The following INPP4B variants were observed in gnomAD, a reference collection of about 807,000 sequenced individuals.
The protein encoded by INPP4B is inositol polyphosphate 4-phosphatase type II.
A neutral mutation model predicts 122.5 loss-of-function variants in INPP4B; 55 were observed. That is an observed-to-expected ratio of 0.45 (90% CI 0.36 to 0.56). INPP4B has a LOEUF of 0.56. Ranked by LOEUF, INPP4B falls within the 20% of genes least tolerant of loss-of-function variation. INPP4B has a pLI of 0.00. For synonymous variants in INPP4B, 403 were observed against 388.7 expected, an observed-to-expected ratio of 1.04 and a Z score of -0.43; for missense variants, 1,000 against 1,097.7, an observed-to-expected ratio of 0.91 and a Z score of 1.26.
At chr4:142,829,587 CAG>C (rs1227626144) in intron 1 of INPP4B, among the ~76,000 whole-genome samples, 1 of 151,958 alleles carries the variant, frequency 6.6e-6, no homozygotes, top group East Asian at 1.9e-4. Context: ...AAAAAAAAGA[CAG>C]AGCACTCCAA....
chr4:142,303,215 G>T (rs1333991069), intron 9 of INPP4B, among the ~76,000 whole-genome samples: 1 of 152,050 alleles, frequency 6.6e-6, no homozygotes, highest in African/African-American at 2.4e-5. Context: ...GTGCTCGGTC[G>T]AATTAGTTTG....
intron 7 of INPP4B, among the ~76,000 whole-genome samples, chr4:142,371,498 C>G (rs536904062): frequency 6.6e-6 from 1 of 151,792 alleles, no homozygotes; most frequent in East Asian, 1.9e-4. Flanking sequence ...ACCTGTAGAA[C>G]GGAAGAAAAT....
intron 2 of INPP4B, among the ~76,000 whole-genome samples, chr4:142,698,627 C>A (rs1283621251): frequency 6.6e-6 from 1 of 152,152 alleles, no homozygotes; most frequent in African/African-American, 2.4e-5. Context: ...GGCTAAAAAC[C>A]TACTGTGATC....
chr4:142,375,333 A>T (rs1467223098), intron 7 of INPP4B, among the ~76,000 whole-genome samples: 4 of 149,608 alleles, frequency 2.7e-5, no homozygotes, highest in Non-Finnish European at 3.0e-5. Flanking sequence ...TGATCTTTTC[A>T]TTCTCCATAT....
At chr4:142,550,628 T>A (rs1488448385) in intron 2 of INPP4B, among the ~76,000 whole-genome samples, 2 of 92,416 alleles carry the variant, frequency 2.2e-5, no homozygotes, top group Non-Finnish European at 5.8e-5. Flanking sequence ...ATATTTTTTT[T>A]TTTACTTTAC....
At chr4:142,083,132 T>TA (rs1242693802) in intron 24 of INPP4B, among the ~76,000 whole-genome samples, 2 of 149,974 alleles carry the variant, frequency 1.3e-5, no homozygotes, top group Admixed American at 6.6e-5. Context: ...AAATTAACAA[T>TA]AAAAGTAAAT....
At chr4:142,447,875 A>G (rs188575218) in intron 3 of INPP4B, among the ~76,000 whole-genome samples, 2 of 152,292 alleles carry the variant, frequency 1.3e-5, no homozygotes, top group African/African-American at 4.8e-5. Flanking sequence ...GGTAGCCCTT[A>G]TGAGAATAAA....
intron 2 of INPP4B, among the ~76,000 whole-genome samples, chr4:142,659,768 A>G (rs1021970367): frequency 1.3e-5 from 2 of 152,172 alleles, no homozygotes; most frequent in African/African-American, 4.8e-5. Context: ...TAACTATAGC[A>G]AACACTCATC....
chr4:142,256,661 G>T (rs1736286498), intron 11 of INPP4B, among the ~76,000 whole-genome samples: 1 of 152,160 alleles, frequency 6.6e-6, no homozygotes, highest in Non-Finnish European at 1.5e-5. Context: ...CCAGGAAGAA[G>T]TTGAATCTCT....
At chr4:142,072,700 T>A (rs1315645543) in intron 25 of INPP4B, among the ~76,000 whole-genome samples, 2 of 152,034 alleles carry the variant, frequency 1.3e-5, no homozygotes, top group Non-Finnish European at 2.9e-5. Flanking sequence ...TGACAGCATT[T>A]AATATTTACT....
intron 2 of INPP4B, among the ~76,000 whole-genome samples, chr4:142,681,022 G>A (rs1365242634): frequency 2.0e-5 from 3 of 151,840 alleles, no homozygotes; most frequent in African/African-American, 7.2e-5. Flanking sequence ...CTTCTCAGGA[G>A]CCAAGAAGAA....
intron 15 of INPP4B, among the ~76,000 whole-genome samples, chr4:142,175,848 A>G (rs896133726): frequency 1.3e-5 from 2 of 152,106 alleles, no homozygotes; most frequent in Non-Finnish European, 2.9e-5. Flanking sequence ...TTCTCTAAAG[A>G]TACAGATGTG....
intron 2 of INPP4B, among the ~76,000 whole-genome samples, chr4:142,613,727 T>C (rs1449195268): frequency 6.6e-6 from 1 of 152,228 alleles, no homozygotes; most frequent in East Asian, 1.9e-4. Flanking sequence ...AAAAGATTAA[T>C]ATTTAGATGC....
intron 18 of INPP4B, among the ~76,000 whole-genome samples, chr4:142,132,858 A>G (rs113956435): frequency 1.2e-3 from 178 of 152,228 alleles, no homozygotes; most frequent in African/African-American, 4.1e-3. Flanking sequence ...ATTTCCTTTC[A>G]CAATGAAAGT....
chr4:142,034,407 A>G (rs1742486653), intron 25 of INPP4B, among the ~76,000 whole-genome samples: 1 of 152,092 alleles, frequency 6.6e-6, no homozygotes, highest in African/African-American at 2.4e-5. Context: ...CATAGCAGAG[A>G]GGCTGGGCCC....
chr4:142,348,711 G>A (rs945599615), intron 7 of INPP4B, among the ~76,000 whole-genome samples: 1 of 152,048 alleles, frequency 6.6e-6, no homozygotes, highest in East Asian at 1.9e-4. Context: ...AGCAATGATT[G>A]TCTAAAATGT....
intron 1 of INPP4B, among the ~76,000 whole-genome samples, chr4:142,788,616 C>G (rs896879131): frequency 4.6e-5 from 7 of 152,074 alleles, no homozygotes; most frequent in Admixed American, 3.3e-4. Flanking sequence ...ATCCCCCACC[C>G]CTGCCTGGCC....
At chr4:142,162,791 AT>A (rs571334291) in intron 16 of INPP4B, among the ~76,000 whole-genome samples, 2 of 151,762 alleles carry the variant, frequency 1.3e-5, no homozygotes, top group African/African-American at 2.4e-5. Flanking sequence ...AAAACCCAAA[AT>A]TTTTTTTGGA....
chr4:142,538,334 C>A (rs1273482771), intron 2 of INPP4B, among the ~76,000 whole-genome samples: 1 of 152,042 alleles, frequency 6.6e-6, no homozygotes, highest in Non-Finnish European at 1.5e-5. Flanking sequence ...CTTGCAAATT[C>A]TGTGACAGGG....
Sources: gnomAD v4.1 joint callset for allele counts (sites outside exome capture counted in the v4.1 genomes callset) on GRCh38, gnomAD v4.1.1 for gene constraint, MANE v1.5 for transcripts, NCBI Gene and HGNC (gene_info 2026-07-23, HGNC 2026-07-21) for gene names.